The following TASP1 variants were observed in gnomAD, a reference collection of about 807,000 sequenced individuals.
The protein encoded by TASP1 is taspase 1.
In TASP1, 16 loss-of-function variants were observed where a neutral mutation model predicts 56.6. That is an observed-to-expected ratio of 0.28 (90% CI 0.19 to 0.43). The LOEUF is 0.43. TASP1 is among the 20% of genes least tolerant of loss of function. The pLI is 1.00. For synonymous variants in TASP1, 179 were observed against 184.2 expected (o/e 0.97, Z 0.23); for missense variants, 393 against 511.6 (o/e 0.77, Z 2.24).
the TASP1 span, among the ~76,000 whole-genome samples, chr20:13,186,384 C>A: frequency 6.6e-6 from 1 of 151,980 alleles, no homozygotes; most frequent in African/African-American, 2.4e-5. Flanking sequence ...TCTTATTTTA[C>A]CTAAAGAGGC....
intron 6 of TASP1, among the ~76,000 whole-genome samples, chr20:13,570,230 A>T (rs1466097773): frequency 6.6e-6 from 1 of 152,134 alleles, no homozygotes; most frequent in Non-Finnish European, 1.5e-5. Flanking sequence ...TTGTTTTCAA[A>T]GATTTCAAAT....
the TASP1 span, among the ~76,000 whole-genome samples, chr20:13,223,187 TA>T: frequency 0.012 from 1,480 of 125,516 alleles, 21 homozygotes; most frequent in African/African-American, 0.044. Context: ...TAAAATAAAA[TA>T]AAATAAATAA....
intron 10 of TASP1, among the ~76,000 whole-genome samples, chr20:13,490,344 C>T (rs1181882406): frequency 6.6e-6 from 1 of 152,116 alleles, no homozygotes; most frequent in Non-Finnish European, 1.5e-5. Context: ...GACCACTTCC[C>T]TCAATCATGT....
Position 13,479,131 on chromosome 20 carries a change from T to A in TASP1, c.985+4096A>T, listed in dbSNP as rs557716327. 2.7e-4 allele frequency among the ~76,000 whole-genome samples: 41 copies of A among 152,100 alleles called. No individual in the cohort carries two copies. The South Asian group carries it at 8.3e-3, about 31-fold the overall frequency. On this transcript the variant is annotated intron_variant, in intron 11 of 13. Coordinates refer to ENST00000337743, the MANE Select transcript of TASP1 (RefSeq NM_017714.3). ...GGAAAGCCATAAATATACATACCAATCTGTTAGCAGTGGTTCTTTCTGGCA... is the reference window on the plus strand; with the variant it reads ...GGAAAGCCATAAATATACATACCAAACTGTTAGCAGTGGTTCTTTCTGGCA...
At chr20:13,132,335 C>A in the TASP1 span, among the ~76,000 whole-genome samples, 3 of 151,868 alleles carry the variant, frequency 2.0e-5, no homozygotes, top group Admixed American at 2.0e-4. Context: ...CACCGCCACG[C>A]CCAGCTAATT....
intron 10 of TASP1, among the ~76,000 whole-genome samples, chr20:13,522,944 GGAGCAAGTTATTT>G (rs1240615952): frequency 1.3e-5 from 2 of 152,114 alleles, no homozygotes; most frequent in African/African-American, 4.8e-5. Context: ...ATTTACAGGA[GGAGCAAGTTATTT>G]GAGCAACCGT....
intron 4 of TASP1, among the ~76,000 whole-genome samples, chr20:13,592,365 C>A (rs116609513): frequency 6.7e-6 from 1 of 149,442 alleles, no homozygotes; most frequent in Admixed American, 6.7e-5. Flanking sequence ...CCACTGTACT[C>A]CAGCTTGGTC....
the TASP1 span, among the ~76,000 whole-genome samples, chr20:13,322,511 T>C: frequency 6.6e-6 from 1 of 152,240 alleles, no homozygotes; most frequent in African/African-American, 2.4e-5. Flanking sequence ...GAGGTCCATA[T>C]GAGGTTCTCA....
At chr20:13,576,558 A>G (rs2046935858) in intron 6 of TASP1, among the ~76,000 whole-genome samples, 1 of 152,174 alleles carries the variant, frequency 6.6e-6, no homozygotes, top group South Asian at 2.1e-4. Flanking sequence ...GCATCAAAAA[A>G]AAGTGAAGTA....
At chr20:13,606,751 G>A (rs1392942358) in intron 4 of TASP1, among the ~76,000 whole-genome samples, 1 of 149,218 alleles carries the variant, frequency 6.7e-6, no homozygotes, top group African/African-American at 2.5e-5. Context: ...AGCTTGCAGT[G>A]AGCCGAGATC....
At chr20:13,312,415 G>A in the TASP1 span, among the ~76,000 whole-genome samples, 19 of 152,182 alleles carry the variant, frequency 1.2e-4, no homozygotes, top group Admixed American at 1.2e-3. Context: ...AGCCTTGCTG[G>A]TTCCTCCAAG....
At chr20:13,458,128 C>T (rs2043914782) in intron 11 of TASP1, among the ~76,000 whole-genome samples, 1 of 152,082 alleles carries the variant, frequency 6.6e-6, no homozygotes, top group Non-Finnish European at 1.5e-5. Flanking sequence ...CACAAAACCT[C>T]AATCTAGTGT....
intron 8 of TASP1, among the ~76,000 whole-genome samples, chr20:13,552,740 T>C (rs994291722): frequency 4.6e-5 from 7 of 152,180 alleles, no homozygotes; most frequent in Non-Finnish European, 7.3e-5. Context: ...TCATATGACA[T>C]CATAAGTTAC....
the TASP1 span, among the ~76,000 whole-genome samples, chr20:13,287,260 G>GTC: frequency 6.6e-6 from 1 of 152,192 alleles, no homozygotes; most frequent in Non-Finnish European, 1.5e-5. Flanking sequence ...AGAGCAAAGG[G>GTC]ACATCTTACA....
chr20:13,607,105 A>C (rs544188419), intron 4 of TASP1, among the ~76,000 whole-genome samples: 5 of 152,346 alleles, frequency 3.3e-5, no homozygotes, highest in Admixed American at 1.3e-4. Context: ...CTTAGGCAAC[A>C]GTATTTTCTG....
intron 8 of TASP1, among the ~76,000 whole-genome samples, chr20:13,558,374 C>G (rs74934906): frequency 0.017 from 2,635 of 152,256 alleles, 86 homozygotes; most frequent in African/African-American, 0.058. Flanking sequence ...TATACTTACA[C>G]TCTACTCCCT....
the TASP1 span, among the ~76,000 whole-genome samples, chr20:13,348,379 A>G: frequency 6.6e-6 from 1 of 152,226 alleles, no homozygotes; most frequent in Non-Finnish European, 1.5e-5. Flanking sequence ...TGATAAAGAA[A>G]ATAATAAACC....
At chr20:13,112,547 G>C in the TASP1 span, among the ~76,000 whole-genome samples, 1 of 152,164 alleles carries the variant, frequency 6.6e-6, no homozygotes, top group African/African-American at 2.4e-5. Flanking sequence ...TATAAGGATG[G>C]GAAGCTTTGC....
At chr20:13,335,481 C>T in the TASP1 span, among the ~76,000 whole-genome samples, 14 of 151,830 alleles carry the variant, frequency 9.2e-5, no homozygotes, top group Non-Finnish European at 1.5e-4. Flanking sequence ...AAGCCCCATC[C>T]GTGATTTTAG....
Sources: gnomAD v4.1 joint callset for allele counts (sites outside exome capture counted in the v4.1 genomes callset) on GRCh38, gnomAD v4.1.1 for gene constraint, MANE v1.5 for transcripts, NCBI Gene and HGNC (gene_info 2026-07-23, HGNC 2026-07-21) for gene names.